HPSE2: variants seen among roughly 807,000 people sequenced by gnomAD.
The protein encoded by HPSE2 is heparanase 2 (inactive), also known as inactive heparanase-2.
Under a neutral mutation model 60.5 loss-of-function variants are expected in HPSE2, and 38 were observed. That is an observed-to-expected ratio of 0.63 (90% confidence interval 0.48 to 0.82). HPSE2 has a LOEUF of 0.82. Among genes scored for constraint, HPSE2 ranks in the 40% least tolerant of loss-of-function variants. HPSE2 has a pLI of 0.00. For missense variants in HPSE2, 713 were observed against 740.4 expected (o/e 0.96, Z 0.43); for synonymous variants, 295 against 293.2 (o/e 1.01, Z -0.06).
At chr10:98,603,324 T>C (rs998628706) in intron 9 of HPSE2, among the ~76,000 whole-genome samples, 1 of 152,132 alleles carries the variant, frequency 6.6e-6, no homozygotes, top group Non-Finnish European at 1.5e-5. Flanking sequence ...GAGTTTTACC[T>C]CCAGGAGCTC....
the HPSE2 span, among the ~76,000 whole-genome samples, chr10:99,268,927 G>A: frequency 1.1e-4 from 16 of 151,828 alleles, no homozygotes; most frequent in South Asian, 4.2e-4. Flanking sequence ...AGGCCGAGGC[G>A]GGTGGATCAC....
chr10:98,727,628 C>T (rs535344906), intron 4 of HPSE2, among the ~76,000 whole-genome samples: 8 of 151,784 alleles, frequency 5.3e-5, no homozygotes, highest in African/African-American at 1.9e-4. Flanking sequence ...TGCACTCCAG[C>T]CTAGGTGACA....
intron 9 of HPSE2, among the ~76,000 whole-genome samples, chr10:98,552,548 T>A (rs537299784): frequency 3.3e-5 from 5 of 152,164 alleles, no homozygotes; most frequent in African/African-American, 1.2e-4. Flanking sequence ...TGTATGGACC[T>A]ACAGTATATA....
At chr10:98,963,777 C>A (rs1424677234) in intron 3 of HPSE2, among the ~76,000 whole-genome samples, 2 of 152,048 alleles carry the variant, frequency 1.3e-5, no homozygotes, top group Non-Finnish European at 2.9e-5. Flanking sequence ...CAATGGTGGG[C>A]ATTTCCAATT....
chr10:98,552,400 T>C (rs972968841), intron 9 of HPSE2, among the ~76,000 whole-genome samples: 2 of 152,072 alleles, frequency 1.3e-5, no homozygotes, highest in Admixed American at 6.6e-5. Context: ...CTGGCACATA[T>C]AGGTACTACA....
chr10:98,600,970 GAGAGAA>G (rs1565003341), intron 9 of HPSE2, among the ~76,000 whole-genome samples: 1 of 125,432 alleles, frequency 8.0e-6, no homozygotes, highest in South Asian at 2.7e-4. Flanking sequence ...GAGAGAGAGA[GAGAGAA>G]AGAAACAGAC....
chr10:98,479,893 T>C (rs1204432833), intron 11 of HPSE2, among the ~76,000 whole-genome samples: 1 of 152,190 alleles, frequency 6.6e-6, no homozygotes, highest in Non-Finnish European at 1.5e-5. Context: ...CTCATAATAA[T>C]CCCATTTGAC....
At chr10:98,702,750 G>A (rs117445480) in intron 5 of HPSE2, among the ~76,000 whole-genome samples, 2 of 152,178 alleles carry the variant, frequency 1.3e-5, no homozygotes, top group East Asian at 1.9e-4. Flanking sequence ...AAACAGAGAC[G>A]AGACAACGTA....
chr10:98,719,260 T>C (rs1367048654), intron 5 of HPSE2, among the ~76,000 whole-genome samples: 2 of 152,082 alleles, frequency 1.3e-5, no homozygotes, highest in Non-Finnish European at 2.9e-5. Flanking sequence ...TCTGAAGATA[T>C]AGAATGAATA....
chr10:98,837,249 G>T (rs537799101), intron 3 of HPSE2, among the ~76,000 whole-genome samples: 1 of 152,290 alleles, frequency 6.6e-6, no homozygotes, highest in East Asian at 1.9e-4. Flanking sequence ...GCAACATCAA[G>T]AAATGTATGC....
intron 2 of HPSE2, among the ~76,000 whole-genome samples, chr10:99,185,565 G>A (rs1247296945): frequency 1.3e-5 from 2 of 152,034 alleles, no homozygotes; most frequent in East Asian, 1.9e-4. Context: ...ACGAGGTCAG[G>A]AGATTGAGAC....
intron 3 of HPSE2, among the ~76,000 whole-genome samples, chr10:99,098,207 T>C (rs1843789806): frequency 6.6e-6 from 1 of 152,108 alleles, no homozygotes; most frequent in South Asian, 2.1e-4. Context: ...AATACAACAA[T>C]AAAAATAATA....
intron 3 of HPSE2, among the ~76,000 whole-genome samples, chr10:98,930,128 G>A (rs908068875): frequency 7.2e-6 from 1 of 139,694 alleles, no homozygotes; most frequent in Non-Finnish European, 1.5e-5. Flanking sequence ...TTTCTCTAAT[G>A]CTTCCCCCCT....
chr10:98,867,493 A>C (rs747674180), intron 3 of HPSE2, among the ~76,000 whole-genome samples: 1 of 152,202 alleles, frequency 6.6e-6, no homozygotes, highest in Non-Finnish European at 1.5e-5. Context: ...AAATCAGGCA[A>C]TAACAAATGC....
intron 6 of HPSE2, among the ~76,000 whole-genome samples, chr10:98,667,746 C>T (rs1014671437): frequency 2.0e-5 from 3 of 152,118 alleles, no homozygotes; most frequent in African/African-American, 7.2e-5. Flanking sequence ...TGCAAAAACC[C>T]TCAACAGGGG....
chr10:98,664,534 G>C (rs939973454), intron 6 of HPSE2, among the ~76,000 whole-genome samples: 2 of 152,142 alleles, frequency 1.3e-5, no homozygotes, highest in African/African-American at 4.8e-5. Flanking sequence ...AATGGACCTG[G>C]TAAAGGGATC....
chr10:98,580,908 G>T (rs920292051), intron 9 of HPSE2, among the ~76,000 whole-genome samples: 1 of 148,310 alleles, frequency 6.7e-6, no homozygotes, highest in Admixed American at 6.8e-5. Flanking sequence ...GCTTTTATGT[G>T]GCATTATTAA....
chr10:98,983,817 C>T (rs1956266974), intron 3 of HPSE2, among the ~76,000 whole-genome samples: 6 of 152,184 alleles, frequency 3.9e-5, no homozygotes, highest in Admixed American at 3.9e-4. Context: ...TTCCAACAGT[C>T]TTAGCAAATG....
rs1270264591 is a variant in HPSE2, at chr10:99,232,340, T to C, written c.448+8A>G. 1.3e-6 allele frequency: 2 copies of C among 1,551,536 alleles called. No homozygotes were observed. The highest frequency in any genetic ancestry group is 2.4e-5 in the South Asian group (2 of 84,062). ...CCCCAAATAAAGAATGGTAATCAAG[T>C]TTCTCACCATCCTCATAGTTTTTGA... On this transcript the variant is annotated splice_region_variant and intron_variant, in intron 2 of 11. Coordinates refer to ENST00000370552, the MANE Select transcript of HPSE2 (RefSeq NM_021828.5).
Sources: allele counts gnomAD v4.1 joint callset (sites outside exome capture counted in the v4.1 genomes callset), GRCh38; gene constraint gnomAD v4.1.1; transcripts MANE v1.5; gene names NCBI Gene and HGNC (gene_info 2026-07-23, HGNC 2026-07-21).